Variants in CNTLN observed in about 807,000 individuals in gnomAD.
The protein encoded by CNTLN is centlein, centrosomal protein.
In CNTLN, 212 loss-of-function variants were observed where a neutral mutation model predicts 180.0. The observed-to-expected ratio is 1.18, with a 90% CI of 1.05 to 1.32. The LOEUF (loss-of-function observed/expected upper bound fraction) is 1.32. Among genes scored for constraint, CNTLN ranks in the 40% most tolerant of loss-of-function variants. The pLI, the probability that CNTLN is intolerant of heterozygous loss-of-function variation, is 0.00. For synonymous variants in CNTLN, 722 were observed against 563.1 expected, an observed-to-expected ratio of 1.28 and a Z score of -3.99; for missense variants, 2,095 against 1,610.9, an observed-to-expected ratio of 1.30 and a Z score of -5.14.
intron 6 of CNTLN, among the ~76,000 whole-genome samples, chr9:17,274,487 A>T (rs1017052896): frequency 2.1e-5 from 3 of 146,254 alleles, no homozygotes; most frequent in Non-Finnish European, 3.0e-5. Context: ...CTATCTATCT[A>T]TCTATCTATC....
At chr9:17,346,258 C>G (rs961830276) in intron 12 of CNTLN, among the ~76,000 whole-genome samples, 20 of 151,974 alleles carry the variant, frequency 1.3e-4, no homozygotes, top group African/African-American at 3.9e-4. Flanking sequence ...AGCATGAGAT[C>G]TCACTAGCAT....
the CNTLN span, among the ~76,000 whole-genome samples, chr9:17,519,346 C>G: frequency 6.6e-6 from 1 of 151,668 alleles, no homozygotes; most frequent in Non-Finnish European, 1.5e-5. Context: ...GTTCTTTTCT[C>G]CTTACTTTTA....
At chr9:17,164,476 T>TA (rs1819921431) in intron 2 of CNTLN, among the ~76,000 whole-genome samples, 1 of 143,700 alleles carries the variant, frequency 7.0e-6, no homozygotes. Flanking sequence ...TTTTTTTTTT[T>TA]TTTTTTGAGG....
intron 2 of CNTLN, among the ~76,000 whole-genome samples, chr9:17,202,725 G>A (rs1822635166): frequency 7.4e-6 from 1 of 134,662 alleles, no homozygotes; most frequent in Non-Finnish European, 1.5e-5. Flanking sequence ...TTGAGCCAAT[G>A]TGTGTATTTG....
intron 12 of CNTLN, among the ~76,000 whole-genome samples, chr9:17,351,724 C>T (rs1564019159): frequency 6.6e-6 from 1 of 152,158 alleles, no homozygotes; most frequent in Admixed American, 6.5e-5. Flanking sequence ...TCTGCATCCA[C>T]TCTTATCTCT....
chr9:17,445,407 AAAG>A (rs200336813), intron 18 of CNTLN, among the ~76,000 whole-genome samples: 2,961 of 152,126 alleles, frequency 0.019, 95 homozygotes, highest in African/African-American at 0.068. Context: ...GTCTGTGTAG[AAAG>A]AAGTAGACAT....
intron 21 of CNTLN, 104 bp from the exon 22 acceptor site, chr9:17,465,877 A>C: frequency 1.3e-6 from 1 of 789,160 alleles, no homozygotes; most frequent in Non-Finnish European, 2.0e-6. Context: ...TGAGAAAATA[A>C]ATGGAAGTAG....
intron 8 of CNTLN, among the ~76,000 whole-genome samples, chr9:17,313,369 G>A (rs141909637): frequency 6.0e-5 from 9 of 151,150 alleles, no homozygotes; most frequent in East Asian, 2.0e-4. Context: ...CCTGTTTTTC[G>A]TTTCTCTGCC....
chr9:17,253,725 G>C (rs1826294041), intron 5 of CNTLN, among the ~76,000 whole-genome samples: 1 of 148,678 alleles, frequency 6.7e-6, no homozygotes, highest in African/African-American at 2.5e-5. Context: ...GGGACAGTTT[G>C]ACTTTCCCTT....
chr9:17,392,887 A>G (rs35129748), intron 14 of CNTLN, among the ~76,000 whole-genome samples: 1 of 151,582 alleles, frequency 6.6e-6, no homozygotes, highest in African/African-American at 2.4e-5. Flanking sequence ...CACTATTACA[A>G]GTAAAGTTTA....
chr9:17,488,296 G>A (rs1832987188), intron 25 of CNTLN, among the ~76,000 whole-genome samples: 2 of 151,704 alleles, frequency 1.3e-5, no homozygotes, highest in Non-Finnish European at 2.9e-5. Flanking sequence ...GCAGGTGCTA[G>A]ACAAAGCCTT....
At chr9:17,521,393 C>T in the CNTLN span, among the ~76,000 whole-genome samples, 13 of 152,050 alleles carry the variant, frequency 8.5e-5, no homozygotes, top group Non-Finnish European at 1.5e-4. Flanking sequence ...TGATCAGGTT[C>T]TGTAACAAGC....
intron 10 of CNTLN, among the ~76,000 whole-genome samples, chr9:17,333,658 G>T (rs1255513538): frequency 6.6e-6 from 1 of 152,104 alleles, no homozygotes; most frequent in African/African-American, 2.4e-5. Context: ...TTTGCCTTAA[G>T]TTTAAACATT....
intron 2 of CNTLN, among the ~76,000 whole-genome samples, chr9:17,220,519 A>G (rs1451241863): frequency 6.6e-6 from 1 of 152,002 alleles, no homozygotes; most frequent in Non-Finnish European, 1.5e-5. Context: ...TGTTATACAA[A>G]TTATTTTATC....
chr9:17,317,041 T>G (rs1819585909), intron 8 of CNTLN, among the ~76,000 whole-genome samples: 1 of 129,708 alleles, frequency 7.7e-6, no homozygotes, highest in South Asian at 2.8e-4. Flanking sequence ...GAAAAAAGTG[T>G]TTTTTTTTTT....
chr9:17,209,023 TGGTTA>T (rs2131945650), intron 2 of CNTLN, among the ~76,000 whole-genome samples: 1 of 152,212 alleles, frequency 6.6e-6, no homozygotes, highest in African/African-American at 2.4e-5. Context: ...TTAAGATCAA[TGGTTA>T]GGTTGTTTAT....
intron 3 of CNTLN, among the ~76,000 whole-genome samples, chr9:17,234,252 A>C (rs375219913): frequency 6.6e-6 from 1 of 152,022 alleles, no homozygotes; most frequent in African/African-American, 2.4e-5. Context: ...GAGTTTGAGA[A>C]GGTAACATAG....
At chr9:17,229,840 G>GTT (rs1381242746) in intron 3 of CNTLN, among the ~76,000 whole-genome samples, 1 of 152,070 alleles carries the variant, frequency 6.6e-6, no homozygotes, top group Non-Finnish European at 1.5e-5. Context: ...CTAGATATTA[G>GTT]GCTGTCTCCA....
chr9:17,148,813 T>TTTTTTA (rs1321992905), intron 2 of CNTLN, among the ~76,000 whole-genome samples: 1 of 152,134 alleles, frequency 6.6e-6, no homozygotes. Context: ...CCACAATAAT[T>TTTTTTA]TTTTTATTTT....
Sources: allele counts gnomAD v4.1 joint callset (sites outside exome capture counted in the v4.1 genomes callset), GRCh38; gene constraint gnomAD v4.1.1; transcripts MANE v1.5; gene names NCBI Gene and HGNC (gene_info 2026-07-23, HGNC 2026-07-21).